SLC45A2: variants seen among roughly 807,000 people sequenced by gnomAD.
SLC45A2 encodes membrane-associated transporter protein.
Under a neutral mutation model 45.5 loss-of-function variants are expected in SLC45A2, and 36 were observed. The ratio of observed to expected loss-of-function variants is 0.79; its 90% CI spans 0.61 to 1.04. The LOEUF (loss-of-function observed/expected upper bound fraction) is 1.04, where lower values mean the gene tolerates loss of function less well. Among genes scored for constraint, SLC45A2 ranks in the 50% least tolerant of loss-of-function variants. SLC45A2 has a pLI of 0.00. For synonymous variants in SLC45A2, 306 were observed against 269.3 expected (o/e 1.14, Z -1.33); for missense variants, 719 against 671.0 (o/e 1.07, Z -0.79).
chr5:33,967,387 A>C (rs904275033), intron 2 of SLC45A2, among the ~76,000 whole-genome samples: 1 of 152,222 alleles, frequency 6.6e-6, no homozygotes, highest in African/African-American at 2.4e-5. Context: ...CACGCAAATC[A>C]TGTGGGCACC....
chr5:33,954,125 C>A lies in SLC45A2; in HGVS notation c.1032+236G>T, dbSNP rs376172059. 2.2e-4 allele frequency among the ~76,000 whole-genome samples: 34 copies of A among 152,012 alleles called. No homozygotes were observed. In the East Asian group the frequency reaches 5.8e-3, roughly 26 times the overall value. On this transcript the variant is annotated intron_variant, in intron 4 of 6. Coordinates refer to ENST00000296589, the MANE Select transcript of SLC45A2 (RefSeq NM_016180.5). ...CATTAATAATGGGAGACTTTAACAC[C>A]CCACTGTCAACTATTTGTTGTATTT...
intron 5 of SLC45A2, among the ~76,000 whole-genome samples, chr5:33,949,413 G>A (rs1752032515): frequency 6.6e-6 from 1 of 152,210 alleles, no homozygotes; most frequent in Non-Finnish European, 1.5e-5. Flanking sequence ...AAGTTGTCCA[G>A]TTGGGGAAGT....
chr5:33,974,240 T>A (rs966241006), intron 2 of SLC45A2, among the ~76,000 whole-genome samples: 8 of 152,154 alleles, frequency 5.3e-5, no homozygotes, highest in Non-Finnish European at 8.8e-5. Flanking sequence ...GGCTACCACA[T>A]ATGCCAGGGA....
chr5:33,971,452 T>C, intron 2 of SLC45A2: 9 of 419,796 alleles, frequency 2.1e-5, no homozygotes, highest in South Asian at 1.7e-4. Flanking sequence ...TTTTTTTGTT[T>C]TTTGGAGACA....
Position 33,944,796 on chromosome 5 carries a change from A to G in SLC45A2, c.1445T>C (p.Met482Thr). ...GACCAGGATCTGAGCCAGCTGCACC[A>G]TGCATGTGAGGGTGGCGCAGTCCAT... ...KGMDCATLTC[M>T]VQLAQILVGG... The change falls in exon 7 of 7, where the codon ATG becomes ACG. Residue 482 changes from methionine to threonine, a missense_variant. Coordinates refer to ENST00000296589, the MANE Select transcript of SLC45A2 (RefSeq NM_016180.5). 6.2e-7 allele frequency: 1 copy of G among 1,614,164 alleles called. No individual in the cohort carries two copies. The highest frequency in any genetic ancestry group is 1.1e-5 in the South Asian group (1 of 91,066).
In SLC45A2 at chr5:33,984,360, A is replaced by G. The variant is rs1753176084; in HGVS notation, c.224T>C (p.Phe75Ser). The change falls in exon 1 of 7, where the codon TTC becomes TCC. Residue 75 changes from phenylalanine (F) to serine (S), a missense_variant. Physicochemically the swap from Phe to Ser is radical, Grantham distance 155. Transcript: ENST00000296589. Reference sequence around the variant, plus strand: ...CAGGAATCCCAGGATGGGGCTGAGGAACCACACAATGCTGTACAGGCTGCT... The same window carrying G: ...CAGGAATCCCAGGATGGGGCTGAGGGACCACACAATGCTGTACAGGCTGCT... Reference protein sequence around the residue: ...LPSSLYSIVWFLSPILGFLLQ... With the variant: ...LPSSLYSIVWSLSPILGFLLQ... 1 of 1,614,056 alleles carries G rather than the reference A, an allele frequency of 6.2e-7. No homozygotes were observed. Among genetic ancestry groups the G allele is most frequent in the Admixed American group, 1.7e-5 (1 of 60,012 alleles).
chr5:33,946,687 T>G (rs947340980), intron 6 of SLC45A2: 4 of 1,039,172 alleles, frequency 3.8e-6, no homozygotes, highest in Non-Finnish European at 4.6e-6. Flanking sequence ...CTCCATTGCC[T>G]AGGACTTTCC....
At position 33,946,012 on chromosome 5, in the gene SLC45A2, A is replaced by T. The variant is rs189917057; in HGVS notation, c.1369-1140T>A. 3.7e-3 allele frequency: 3,613 copies of T among 985,458 alleles called. 6 individuals are homozygous for T. The highest frequency in any genetic ancestry group is 4.0e-3 in the Non-Finnish European group (3,354 of 829,922). The allele number at this position is 985,458 out of a possible 1,614,324, so 61.0% of individuals were successfully genotyped here. ...TTTTGTGTATCATTGTGAATATATT[A>T]TCTCACCTAAAAATGAACTCATTCT... On this transcript the variant is annotated intron_variant, in intron 6 of 6. Coordinates refer to ENST00000296589, the MANE Select transcript of SLC45A2 (RefSeq NM_016180.5).
chr5:33,965,538 CAT>C (rs1250844226), intron 2 of SLC45A2, among the ~76,000 whole-genome samples: 1 of 152,120 alleles, frequency 6.6e-6, no homozygotes, highest in Admixed American at 6.5e-5. Flanking sequence ...TGAAGTAAGA[CAT>C]ATAGTCTCTG....
intron 3 of SLC45A2, among the ~76,000 whole-genome samples, chr5:33,961,337 C>A (rs1246953648): frequency 6.6e-6 from 1 of 152,136 alleles, no homozygotes; most frequent in Non-Finnish European, 1.5e-5. Context: ...AATTTTAGTT[C>A]CTATGCTGGC....
Position 33,950,082 on chromosome 5 carries a change from G to A in SLC45A2, c.1156+1472C>T, listed in dbSNP as rs150979207. 2.4e-4 allele frequency among the ~76,000 whole-genome samples: 37 copies of A among 151,958 alleles called. No individual in the cohort carries two copies. The East Asian group carries it at 6.4e-3, about 26-fold the overall frequency. On this transcript the variant is annotated intron_variant, in intron 5 of 6. Transcript: ENST00000296589. ...CACAGTGGCATGTGCTTGTGGTCCC[G>A]GGTACTCAGAGGGCTGGGACTTGCT...
rs753171308 is a variant in SLC45A2, at chr5:33,963,710, T to C, written c.869A>G (p.Asn290Ser). 2 of 1,614,010 alleles carry C rather than the reference T, an allele frequency of 1.2e-6. No homozygotes were observed. The highest frequency in any genetic ancestry group is 1.7e-4 in the Middle Eastern group (1 of 6,060). ...NPELAMQGAK[N>S]KNHAEQTRRA... ...CTTTACCTGTTCAGCATGATTTTTG[T>C]TTTTTGCTCCCTGCATTGCCAGCTC... The change falls in exon 3 of 7, where the codon AAC becomes AGC. Residue 290 changes from asparagine to serine, a missense_variant. Coordinates refer to ENST00000296589, the MANE Select transcript of SLC45A2 (RefSeq NM_016180.5).
intron 2 of SLC45A2, chr5:33,970,988 T>C (rs927373259): frequency 6.1e-6 from 3 of 494,916 alleles, no homozygotes; most frequent in African/African-American, 2.0e-5. Context: ...GTATGAAAAG[T>C]CTGAAAATGA....
chr5:33,970,576 T>TTGGG (rs1445115392), intron 2 of SLC45A2, among the ~76,000 whole-genome samples: 1 of 151,988 alleles, frequency 6.6e-6, no homozygotes, highest in African/African-American at 2.4e-5. Context: ...TGTTGGTTGG[T>TTGGG]TGGTTGGTTG....
intron 3 of SLC45A2, among the ~76,000 whole-genome samples, chr5:33,955,252 C>T (rs564448720): frequency 8.5e-5 from 13 of 152,306 alleles, no homozygotes; most frequent in Middle Eastern, 3.4e-3. Context: ...GGACCTCAAT[C>T]CTATAACCAC....
chr5:33,982,563 G>A, intron 1 of SLC45A2, 151 bp from the exon 2 acceptor site: 1 of 800,808 alleles, frequency 1.2e-6, no homozygotes, highest in South Asian at 1.7e-5. Context: ...TTTTTTTCAG[G>A]TTTTAAAAAT....
At chr5:33,981,184 T>C (rs1338760487) in intron 2 of SLC45A2, among the ~76,000 whole-genome samples, 1 of 152,230 alleles carries the variant, frequency 6.6e-6, no homozygotes, top group African/African-American at 2.4e-5. Flanking sequence ...GCTGCACTCC[T>C]GCCCCTCTGC....
chr5:33,952,398 A>G (rs2111918934), intron 4 of SLC45A2, among the ~76,000 whole-genome samples: 1 of 132,642 alleles, frequency 7.5e-6, no homozygotes, highest in Middle Eastern at 3.8e-3. Flanking sequence ...TTTATTTCTT[A>G]TTTTGATTCA....
intron 3 of SLC45A2, among the ~76,000 whole-genome samples, chr5:33,960,419 C>G (rs149427409): frequency 6.6e-6 from 1 of 151,942 alleles, no homozygotes; most frequent in Non-Finnish European, 1.5e-5. Flanking sequence ...TGATGGAATA[C>G]TACTCAGCCA....
Sources: allele counts gnomAD v4.1 joint callset (sites outside exome capture counted in the v4.1 genomes callset), GRCh38; gene constraint gnomAD v4.1.1; transcripts MANE v1.5; gene names NCBI Gene and HGNC (gene_info 2026-07-23, HGNC 2026-07-21).